The following TUSC3 variants were observed in gnomAD, a reference collection of about 807,000 sequenced individuals.
TUSC3 encodes the protein tumor suppressor candidate 3, also known as dolichyl-diphosphooligosaccharide--protein glycosyltransferase subunit TUSC3.
In TUSC3, 45 loss-of-function variants were observed where a neutral mutation model predicts 44.8. That is an observed-to-expected ratio of 1.00 (90% CI 0.79 to 1.29). The LOEUF (loss-of-function observed/expected upper bound fraction) is 1.29, where lower values mean the gene tolerates loss of function less well. Ranked by LOEUF, TUSC3 falls within the 50% of genes most tolerant of loss-of-function variation. TUSC3 has a pLI of 0.00. For synonymous variants in TUSC3, 212 were observed against 152.9 expected (o/e 1.39, Z -2.85); for missense variants, 519 against 437.9 (o/e 1.19, Z -1.65).
In TUSC3 at chr8:15,523,698, GTGTGTGTGTGTA is replaced by G. The variant is rs1563273676; in HGVS notation, n.189+40217_189+40228del. 2.7e-3 allele frequency among the ~76,000 whole-genome samples: 149 copies of G among 55,344 alleles called. 9 individuals carry two copies. Among genetic ancestry groups the G allele is most frequent in the Admixed American group, 5.1e-3 (25 of 4,938 alleles). The allele number at this position is 55,344 out of a possible 152,430, so 36.3% of individuals were successfully genotyped here. Reference sequence around the variant, plus strand: ...TGTGTGTGTGTGTGTGTGTGTGTGTGTGTGTGTGTGTATATATATATATATATAAAGTAGTTC... The same window carrying G: ...TGTGTGTGTGTGTGTGTGTGTGTGTGTATATATATATATATAAAGTAGTTC... On this transcript the variant is annotated intron_variant and non_coding_transcript_variant, in intron 2 of 5. Transcript: ENST00000503191.
At chr8:15,543,173 A>G (rs1037317115) in intron 1 of TUSC3, among the ~76,000 whole-genome samples, 16 of 152,200 alleles carry the variant, frequency 1.1e-4, no homozygotes, top group Non-Finnish European at 2.2e-4. Context: ...CCTGATGCCT[A>G]TGATAAGATT....
chr8:15,802,893 T>C, the TUSC3 span, among the ~76,000 whole-genome samples: 6 of 152,062 alleles, frequency 3.9e-5, no homozygotes, highest in Admixed American at 1.3e-4. Flanking sequence ...CAGAAAAGTT[T>C]TCTTAAAAAA....
At chr8:15,539,867 C>T (rs1801613547), upstream of TUSC3, among the ~76,000 whole-genome samples, 1 of 151,984 alleles carries the variant, frequency 6.6e-6, no homozygotes, top group South Asian at 2.1e-4. Context: ...CATCGGGGGA[C>T]TCTGGAGTTA....
intron 6 of TUSC3, among the ~76,000 whole-genome samples, chr8:15,701,841 G>A (rs567394996): frequency 6.6e-6 from 1 of 152,256 alleles, no homozygotes; most frequent in South Asian, 2.1e-4. Flanking sequence ...TATCCAAGTT[G>A]TATGGACTGT....
At chr8:15,577,282 A>T (rs868853507) in intron 1 of TUSC3, among the ~76,000 whole-genome samples, 47 of 151,378 alleles carry the variant, frequency 3.1e-4, no homozygotes, top group African/African-American at 1.1e-3. Context: ...CTCTGATGGT[A>T]GTTTCTTTTG....
rs774814602 is a variant in TUSC3 at position 15,623,264 on chromosome 8, TAAA to T, written c.308+19_308+21del. On this transcript the variant is annotated intron_variant, in intron 2 of 10. Coordinates refer to ENST00000503731, the MANE Select transcript of TUSC3 (RefSeq NM_006765.4). ...TCTGTGTGCAGGTAATTTATGTAAT[TAAA>T]AAATATTAAAAACTATTATTCTTGG... 6.4e-7 allele frequency: 1 copy of T among 1,562,356 alleles called. No homozygotes were observed. The highest frequency in any genetic ancestry group is 1.2e-5 in the South Asian group (1 of 80,010).
the TUSC3 span, among the ~76,000 whole-genome samples, chr8:15,828,675 A>G: frequency 1.3e-5 from 2 of 152,258 alleles, no homozygotes; most frequent in South Asian, 4.1e-4. Flanking sequence ...AAAATACAGT[A>G]AAACACATTG....
intron 10 of TUSC3, among the ~76,000 whole-genome samples, chr8:15,759,949 T>C (rs926616650): frequency 6.6e-6 from 1 of 152,142 alleles, no homozygotes; most frequent in Non-Finnish European, 1.5e-5. Flanking sequence ...TCCTTCTTTA[T>C]GTTATTTGGC....
intron 2 of TUSC3, among the ~76,000 whole-genome samples, chr8:15,534,293 A>C (rs1801492198): frequency 6.6e-6 from 1 of 152,152 alleles, no homozygotes; most frequent in Admixed American, 6.6e-5. Flanking sequence ...TATCAGCACA[A>C]TATTTAGGTT....
At chr8:15,635,938 T>G (rs146006881) in intron 2 of TUSC3, among the ~76,000 whole-genome samples, 115 of 152,320 alleles carry the variant, frequency 7.5e-4, no homozygotes, top group African/African-American at 2.5e-3. Flanking sequence ...CTAGTTCGCA[T>G]GTGTGATTTG....
chr8:15,507,930 T>C (rs1364819992), intron 2 of TUSC3, among the ~76,000 whole-genome samples: 1 of 152,016 alleles, frequency 6.6e-6, no homozygotes. Flanking sequence ...TGAGCCAAAA[T>C]AACGAAAGAT....
chr8:15,705,744 G>C (rs1388712289), intron 6 of TUSC3, among the ~76,000 whole-genome samples: 1 of 151,962 alleles, frequency 6.6e-6, no homozygotes, highest in Non-Finnish European at 1.5e-5. Flanking sequence ...TACTGCTTCA[G>C]CCCAATGATG....
intron 2 of TUSC3, 115 bp from the exon 3 acceptor site, chr8:15,650,582 T>A (rs1806849079): frequency 3.9e-6 from 3 of 771,436 alleles, no homozygotes; most frequent in Non-Finnish European, 6.6e-6. Context: ...TATGCTTTTC[T>A]TACAGTCTGT....
chr8:15,614,543 A>G (rs1367631000), intron 1 of TUSC3, among the ~76,000 whole-genome samples: 4 of 152,160 alleles, frequency 2.6e-5, no homozygotes, highest in African/African-American at 9.7e-5. Context: ...GGAGAATAAA[A>G]TGTGTGGTCT....
intron 6 of TUSC3, among the ~76,000 whole-genome samples, chr8:15,717,405 GA>G: frequency 6.6e-6 from 1 of 152,118 alleles, no homozygotes; most frequent in South Asian, 2.1e-4. Flanking sequence ...TGCTTTTACT[GA>G]AATATGTGAT....
At chr8:15,672,259 A>G (rs1416901312) in intron 5 of TUSC3, among the ~76,000 whole-genome samples, 2 of 151,982 alleles carry the variant, frequency 1.3e-5, no homozygotes, top group East Asian at 1.9e-4. Context: ...ATTGTGTGCA[A>G]TTTTTAAATG....
At chr8:15,583,294 T>C (rs1017310312) in intron 1 of TUSC3, among the ~76,000 whole-genome samples, 1 of 152,218 alleles carries the variant, frequency 6.6e-6, no homozygotes, top group Non-Finnish European at 1.5e-5. Context: ...TTCAATTCTT[T>C]TTTGGTTTAA....
At chr8:15,787,712 G>T in the TUSC3 span, among the ~76,000 whole-genome samples, 3 of 152,098 alleles carry the variant, frequency 2.0e-5, no homozygotes, top group Non-Finnish European at 4.4e-5. Flanking sequence ...CTGACCACAG[G>T]GTATCTACTG....
intron 1 of TUSC3, among the ~76,000 whole-genome samples, chr8:15,465,649 A>G (rs2129122349): frequency 6.6e-6 from 1 of 152,336 alleles, no homozygotes; most frequent in South Asian, 2.1e-4. Flanking sequence ...TCAGATGAGG[A>G]AGACAAGTTC....
Sources: gnomAD v4.1 joint callset for allele counts (sites outside exome capture counted in the v4.1 genomes callset) on GRCh38, gnomAD v4.1.1 for gene constraint, MANE v1.5 for transcripts, NCBI Gene and HGNC (gene_info 2026-07-23, HGNC 2026-07-21) for gene names.